The following ATP11A variants were observed in gnomAD, a reference collection of about 807,000 sequenced individuals.
ATP11A encodes the protein ATPase phospholipid transporting 11A.
A neutral mutation model predicts 154.4 loss-of-function variants in ATP11A; 81 were observed. That is an observed-to-expected ratio of 0.52 (90% CI 0.44 to 0.63). The LOEUF is 0.63. Ranked by LOEUF, ATP11A falls within the 30% of genes least tolerant of loss-of-function variation. The pLI is 0.00. For synonymous variants in ATP11A, 623 were observed against 585.9 expected, an observed-to-expected ratio of 1.06 and a Z score of -0.91; for missense variants, 1,316 against 1,474.3, an observed-to-expected ratio of 0.89 and a Z score of 1.76.
rs554208971 is a variant in ATP11A at position 112,749,795 on chromosome 13, C to T, written c.40-35340C>T. Among the ~76,000 whole-genome samples the T allele has an allele frequency of 4.1e-5, 6 of 146,248 alleles. No individual in the cohort carries two copies. The South Asian group carries it at 8.8e-4, about 22-fold the overall frequency. On this transcript the variant is annotated intron_variant, in intron 1 of 29. Coordinates refer to ENST00000375645, the MANE Select transcript of ATP11A (RefSeq NM_015205.3). The stretch of plus-strand genomic sequence containing the variant: ...GTGGGGACACGCCTGCTGAAGGATG[C>T]GGGGTTGAATCCCCTTCAGCCTCTC...
chr13:112,875,352 C>A lies in ATP11A; in HGVS notation c.3162-424C>A, dbSNP rs190761082. Among the ~76,000 whole-genome samples, 27 of 152,334 alleles carry A rather than the reference C, an allele frequency of 1.8e-4. No homozygotes were observed. ...CCTCCCTCATGGAGGCTGACGCAGACGTCTTTGAATCATCCTCTTTCTGGG... is the reference window on the plus strand; with the variant it reads ...CCTCCCTCATGGAGGCTGACGCAGAAGTCTTTGAATCATCCTCTTTCTGGG... On this transcript the variant is annotated intron_variant, in intron 27 of 29. Transcript: ENST00000375645. This position sits in a 1 kb window ranked among gnomAD's most constrained non-coding sequence, Gnocchi z 4.1.
Position 112,834,729 on chromosome 13 carries a change from C to T in ATP11A, c.1631+69C>T, listed in dbSNP as rs1233271869. ...AAAGAGTGTTCTTTATAAGGTTCTG[C>T]GTTTGAGGGAAAAGACAAGTTCTCT... On this transcript the variant is annotated intron_variant, in intron 15 of 29. Transcript: ENST00000375645. 11 of 1,310,004 alleles carry T rather than the reference C, an allele frequency of 8.4e-6. No individual in the cohort carries two copies. The Admixed American group carries it at 1.1e-4, about 13-fold the overall frequency. The allele number at this position is 1,310,004 out of a possible 1,614,324, so 81.1% of individuals were successfully genotyped here.
chr13:112,777,780 A>G (rs2077383750), intron 1 of ATP11A, among the ~76,000 whole-genome samples: 1 of 152,210 alleles, frequency 6.6e-6, no homozygotes, highest in African/African-American at 2.4e-5. Flanking sequence ...CTGAGCACAC[A>G]TATCAGGAGA....
intron 1 of ATP11A, among the ~76,000 whole-genome samples, chr13:112,715,602 C>G (rs1010799766): frequency 3.5e-5 from 4 of 115,916 alleles, no homozygotes; most frequent in Admixed American, 1.8e-4. Context: ...GCTGATCCCC[C>G]CACCTGGTCA....
intron 1 of ATP11A, among the ~76,000 whole-genome samples, chr13:112,722,545 A>G (rs1889321151): frequency 6.6e-6 from 1 of 152,148 alleles, no homozygotes; most frequent in African/African-American, 2.4e-5. Flanking sequence ...CCTTTCCTGA[A>G]TTCCAAAAGG....
chr13:112,857,851 C>T lies in ATP11A; in HGVS notation c.2452C>T (p.Pro818Ser). 6.2e-7 allele frequency: 1 copy of T among 1,614,150 alleles called. No homozygotes were observed. Among genetic ancestry groups the T allele is most frequent in the East Asian group, 2.2e-5 (1 of 44,892 alleles). ...VKLIKFSKEH[P>S]ITLAIGDGAN... is the part of the protein sequence containing the mutation. ...ATTAATCAAATTTTCAAAAGAGCAC[C>T]CAATCACGTTAGCAATTGGCGATGG... Residue 818 changes from proline (P) to serine (S), a missense_variant, in exon 21 of 30, where the codon CCA becomes TCA. Transcript: ENST00000375645.
At chr13:112,752,729 A>G (rs1016277804) in intron 1 of ATP11A, among the ~76,000 whole-genome samples, 2 of 152,246 alleles carry the variant, frequency 1.3e-5, no homozygotes, top group African/African-American at 4.8e-5. Context: ...AGCCTGGAAT[A>G]GCAGTAGGAT....
At chr13:112,814,084 A>G (rs1036788903) in intron 5 of ATP11A, among the ~76,000 whole-genome samples, 2 of 151,658 alleles carry the variant, frequency 1.3e-5, no homozygotes, top group East Asian at 3.9e-4. Context: ...TTCTTTTGAG[A>G]CAGAGTCTTG....
chr13:112,796,919 A>G (rs1360110250), intron 2 of ATP11A, among the ~76,000 whole-genome samples: 1 of 152,096 alleles, frequency 6.6e-6, no homozygotes, highest in Non-Finnish European at 1.5e-5. Context: ...ACTGAAGAGC[A>G]AAGAGGAAAA....
rs1001814032 is a variant in ATP11A at position 112,838,509 on chromosome 13, G to A, written c.1705+2258G>A. 1.3e-5 allele frequency among the ~76,000 whole-genome samples: 2 copies of A among 152,198 alleles called. No individual in the cohort carries two copies. The highest frequency in any genetic ancestry group is 2.9e-5 in the Non-Finnish European group (2 of 68,034). On this transcript the variant is annotated intron_variant, in intron 16 of 29. Transcript: ENST00000375645. This position sits in a 1 kb window ranked among gnomAD's most constrained non-coding sequence, Gnocchi z 7.3. Reference sequence around the variant, plus strand: ...CAGCCACCCCGGAGCCGCCCCTGCCGCGCACTCACCCCGGAGCTGGCCCTG... The same window carrying A: ...CAGCCACCCCGGAGCCGCCCCTGCCACGCACTCACCCCGGAGCTGGCCCTG...
chr13:112,858,404 G>A, intron 22 of ATP11A, 114 bp downstream of exon 22: 1 of 1,119,424 alleles, frequency 8.9e-7, no homozygotes, highest in South Asian at 1.8e-5. Context: ...CCGAGGAGCA[G>A]CAACTGTCAG....
At chr13:112,843,140 TC>T (rs1468553576) in intron 17 of ATP11A, among the ~76,000 whole-genome samples, 3 of 150,916 alleles carry the variant, frequency 2.0e-5, no homozygotes, top group African/African-American at 7.4e-5. Context: ...ACGTGCTCTC[TC>T]CCGTCAGATG....
At chr13:112,733,850 A>T (rs2139705588) in intron 1 of ATP11A, among the ~76,000 whole-genome samples, 1 of 152,194 alleles carries the variant, frequency 6.6e-6, no homozygotes, top group East Asian at 1.9e-4. Flanking sequence ...GGACAGCCAA[A>T]TCTCATTTTT....
chr13:112,728,402 G>A (rs975978133), intron 1 of ATP11A, among the ~76,000 whole-genome samples: 5 of 145,978 alleles, frequency 3.4e-5, no homozygotes, highest in South Asian at 2.2e-4. Context: ...TGTGCGGCCC[G>A]GCTCCCTGTG....
At chr13:112,760,540 G>T (rs1489849736) in intron 1 of ATP11A, among the ~76,000 whole-genome samples, 1 of 152,152 alleles carries the variant, frequency 6.6e-6, no homozygotes, top group Admixed American at 6.5e-5. Context: ...TTTTAAAAAA[G>T]ATTTGATCTC....
At chr13:112,874,943 A>G (rs1765769) in intron 27 of ATP11A, among the ~76,000 whole-genome samples, 126,660 of 152,172 alleles carry the variant, frequency 0.83, 56,860 homozygotes, top group Non-Finnish European at 0.99. Flanking sequence ...GTAGAACCAC[A>G]GCCTCTCACA....
At chr13:112,831,648 C>G (rs895440609) in intron 13 of ATP11A, 100 bp downstream of exon 13, 2 of 1,406,420 alleles carry the variant, frequency 1.4e-6, no homozygotes. Flanking sequence ...AAAATCCAGG[C>G]CCTCTCTACG....
At chr13:112,880,033 G>GC (rs1250004275) in intron 29 of ATP11A, among the ~76,000 whole-genome samples, 1 of 152,196 alleles carries the variant, frequency 6.6e-6, no homozygotes, top group African/African-American at 2.4e-5. Flanking sequence ...GTGCAATTGT[G>GC]CAATTCCAAG....
Position 112,735,317 on chromosome 13 carries a change from C to T in ATP11A, c.39+44862C>T, listed in dbSNP as rs190641742. Among the ~76,000 whole-genome samples the T allele has an allele frequency of 2.0e-3, 298 of 152,194 alleles. 4 individuals carry two copies. Among genetic ancestry groups the T allele is most frequent in the African/African-American group, 6.7e-3 (278 of 41,500 alleles). On this transcript the variant is annotated intron_variant, in intron 1 of 29. Coordinates refer to ENST00000375645, the MANE Select transcript of ATP11A (RefSeq NM_015205.3). Reference sequence around the variant, plus strand: ...AAAAAGTTGATTTCTTTGAGTGCCCCGAAAGCCGGGCATTGCATGGCAGCC... The same window carrying T: ...AAAAAGTTGATTTCTTTGAGTGCCCTGAAAGCCGGGCATTGCATGGCAGCC...
Sources: allele counts gnomAD v4.1 joint callset (sites outside exome capture counted in the v4.1 genomes callset), GRCh38; gene constraint gnomAD v4.1.1; non-coding constraint Gnocchi (gnomAD v3.1); transcripts MANE v1.5; gene names NCBI Gene and HGNC (gene_info 2026-07-23, HGNC 2026-07-21).